The following TMEM132C variants were observed in gnomAD, a reference collection of about 807,000 sequenced individuals.
TMEM132C encodes the protein transmembrane protein 132C.
In TMEM132C, 29 loss-of-function variants were observed where a neutral mutation model predicts 61.4. That is an observed-to-expected ratio of 0.47 (90% confidence interval 0.35 to 0.64). The LOEUF (loss-of-function observed/expected upper bound fraction) is 0.64. TMEM132C is among the 30% of genes least tolerant of loss of function. TMEM132C has a pLI of 0.00. For missense variants in TMEM132C, 1,408 were observed against 1,476.9 expected (o/e 0.95, Z 0.76); for synonymous variants, 656 against 633.1 (o/e 1.04, Z -0.54).
intron 3 of TMEM132C, among the ~76,000 whole-genome samples, chr12:128,586,273 T>G (rs531860542): frequency 6.6e-6 from 1 of 151,996 alleles, no homozygotes; most frequent in East Asian, 1.9e-4. Flanking sequence ...GTCAAAAAAG[T>G]TAAACAATGA....
intron 1 of TMEM132C, among the ~76,000 whole-genome samples, chr12:128,355,050 T>G (rs61680208): frequency 2.1e-4 from 32 of 152,358 alleles, no homozygotes; most frequent in African/African-American, 6.5e-4. Context: ...AAATGTTTTC[T>G]TTATGATGAT....
chr12:128,569,478 C>T (rs1041504716), intron 3 of TMEM132C, among the ~76,000 whole-genome samples: 2 of 152,040 alleles, frequency 1.3e-5, no homozygotes, highest in African/African-American at 4.8e-5. Context: ...CTTTCACCTA[C>T]TACAGCAAAT....
At chr12:128,436,727 A>G (rs529165480) in intron 2 of TMEM132C, among the ~76,000 whole-genome samples, 2 of 152,386 alleles carry the variant, frequency 1.3e-5, no homozygotes, top group African/African-American at 4.8e-5. Context: ...TCATTGTGGT[A>G]GACAGTGTGG....
intron 1 of TMEM132C, among the ~76,000 whole-genome samples, chr12:128,389,096 G>A (rs547504224): frequency 2.6e-5 from 4 of 152,248 alleles, no homozygotes; most frequent in African/African-American, 9.6e-5. Flanking sequence ...GGTACCCAGG[G>A]GGTTGGCAGC....
At chr12:128,419,256 C>T (rs1868896716) in intron 2 of TMEM132C, among the ~76,000 whole-genome samples, 1 of 152,220 alleles carries the variant, frequency 6.6e-6, no homozygotes, top group Non-Finnish European at 1.5e-5. Flanking sequence ...CTGCCTTAAG[C>T]TAGATAACAT....
intron 5 of TMEM132C, among the ~76,000 whole-genome samples, chr12:128,692,025 CATCT>C (rs1172457001): frequency 4.0e-5 from 6 of 148,816 alleles, no homozygotes; most frequent in African/African-American, 1.0e-4. Context: ...CCCATCAGTT[CATCT>C]ATCTATCCAG....
intron 8 of TMEM132C, among the ~76,000 whole-genome samples, chr12:128,697,778 A>G (rs1954776678): frequency 6.6e-6 from 1 of 152,136 alleles, no homozygotes; most frequent in African/African-American, 2.4e-5. Context: ...GACAGCCCAC[A>G]TGGCCCCACA....
chr12:128,659,881 G>A (rs1351265355), intron 4 of TMEM132C, among the ~76,000 whole-genome samples: 3 of 152,340 alleles, frequency 2.0e-5, no homozygotes, highest in Middle Eastern at 3.4e-3. Flanking sequence ...CCCACTGGTG[G>A]GCTTGTTTTC....
At chr12:128,600,276 C>T (rs11059788) in intron 3 of TMEM132C, among the ~76,000 whole-genome samples, 16,929 of 152,082 alleles carry the variant, frequency 0.11, 1,139 homozygotes, top group Non-Finnish European at 0.15. Flanking sequence ...GCCACCGCAC[C>T]GGGCCAAGAC....
chr12:128,436,266 G>A (rs374653841), intron 2 of TMEM132C, among the ~76,000 whole-genome samples: 28 of 151,894 alleles, frequency 1.8e-4, no homozygotes, highest in African/African-American at 6.5e-4. Flanking sequence ...AAAACACCAA[G>A]AGCAATGGCA....
chr12:128,507,353 C>T (rs1593078377), intron 2 of TMEM132C, among the ~76,000 whole-genome samples: 2 of 146,770 alleles, frequency 1.4e-5, no homozygotes, highest in South Asian at 2.2e-4. Flanking sequence ...CCCTTGTAAT[C>T]GTGTGCGAAG....
chr12:128,696,618 A>G (rs1039203764), intron 7 of TMEM132C, among the ~76,000 whole-genome samples: 5 of 152,130 alleles, frequency 3.3e-5, no homozygotes, highest in African/African-American at 1.2e-4. Flanking sequence ...AAATTTCATG[A>G]TGGGGCATGA....
intron 2 of TMEM132C, among the ~76,000 whole-genome samples, chr12:128,466,597 T>C (rs1870745133): frequency 1.3e-5 from 2 of 152,112 alleles, no homozygotes; most frequent in South Asian, 4.2e-4. Flanking sequence ...AGTGGTGCAA[T>C]CCCAGCTCAC....
chr12:128,384,384 C>T (rs1874511580), intron 1 of TMEM132C, among the ~76,000 whole-genome samples: 1 of 152,050 alleles, frequency 6.6e-6, no homozygotes, highest in African/African-American at 2.4e-5. Context: ...TCCCCAGCCT[C>T]GATGACAACG....
At chr12:128,431,873 C>T (rs1869401473) in intron 2 of TMEM132C, among the ~76,000 whole-genome samples, 1 of 152,126 alleles carries the variant, frequency 6.6e-6, no homozygotes, top group African/African-American at 2.4e-5. Flanking sequence ...CAATGCCTGG[C>T]TTTAAAGCTT....
intron 3 of TMEM132C, among the ~76,000 whole-genome samples, chr12:128,606,843 G>GAGAGTAGATCTTTTCT (rs1176692746): frequency 6.6e-6 from 1 of 152,210 alleles, no homozygotes; most frequent in Non-Finnish European, 1.5e-5. Flanking sequence ...AAGCTTTTCA[G>GAGAGTAGATCTTTTCT]AGAGTAGATC....
In TMEM132C at chr12:128,374,370, G is replaced by A. The variant is rs763733444; in HGVS notation, c.86-40362G>A. On this transcript the variant is annotated intron_variant, in intron 1 of 8. Transcript: ENST00000435159. ...GGGGTTTGCGCTTTGTTGTCTGGGCGGAGCCATTGCTGCTGGCACCCCTCA... is the reference window on the plus strand; with the variant it reads ...GGGGTTTGCGCTTTGTTGTCTGGGCAGAGCCATTGCTGCTGGCACCCCTCA... Among the ~76,000 whole-genome samples, 13 of 152,268 alleles carry A rather than the reference G, an allele frequency of 8.5e-5. No individual in the cohort carries two copies. The East Asian group carries it at 9.7e-4, about 11-fold the overall frequency.
At chr12:128,672,124 T>C (rs926097883) in intron 5 of TMEM132C, among the ~76,000 whole-genome samples, 3 of 152,152 alleles carry the variant, frequency 2.0e-5, no homozygotes, top group Middle Eastern at 3.2e-3. Flanking sequence ...AATAATGAAA[T>C]ATTTTACTTT....
At chr12:128,298,521 C>CTACGGTACG (rs1871494754) in intron 1 of TMEM132C, among the ~76,000 whole-genome samples, 1 of 152,154 alleles carries the variant, frequency 6.6e-6, no homozygotes, top group African/African-American at 2.4e-5. Context: ...TCTCACGTAA[C>CTACGGTACG]TACGGTACGT....
Sources: allele counts gnomAD v4.1 joint callset (sites outside exome capture counted in the v4.1 genomes callset), GRCh38; gene constraint gnomAD v4.1.1; transcripts MANE v1.5; gene names NCBI Gene and HGNC (gene_info 2026-07-23, HGNC 2026-07-21).